Variants in ADGRL2 observed in about 807,000 individuals in gnomAD.
ADGRL2 encodes the protein adhesion G protein-coupled receptor L2.
ADGRL2 carries 44 observed loss-of-function variants against 157.4 expected under a neutral mutation model. The observed-to-expected ratio is 0.28, with a 90% CI of 0.22 to 0.36. The LOEUF is 0.36. ADGRL2 is among the 10% of genes least tolerant of loss of function. The pLI is 1.00. For missense variants in ADGRL2, 1,510 were observed against 1,768.9 expected (o/e 0.85, Z 2.63); for synonymous variants, 585 against 624.7 (o/e 0.94, Z 0.95).
In ADGRL2 at chr1:81,316,170, A is replaced by C. The variant is rs12062381; in HGVS notation, c.-302+9661A>C. On this transcript the variant is annotated intron_variant, in intron 1 of 24. Transcript: ENST00000370721. ...AAAAAGAAGAAAGGTAGACAAGGAG[A>C]CACCACCTTTTTAAAGTACATTGTT... 1.9e-3 allele frequency among the ~76,000 whole-genome samples: 285 copies of C among 151,856 alleles called. 1 individual carries two copies. The highest frequency in any genetic ancestry group is 6.8e-3 in the Middle Eastern group (2 of 294).
intron 14 of ADGRL2, 54 bp downstream of exon 14, chr1:81,968,253 C>G: frequency 6.8e-7 from 1 of 1,462,598 alleles, no homozygotes; most frequent in Middle Eastern, 1.7e-4. Context: ...AGATTCAAAA[C>G]AGCTTGTATA....
At chr1:81,865,490 T>C (rs1476142102) in intron 2 of ADGRL2, among the ~76,000 whole-genome samples, 2 of 152,218 alleles carry the variant, frequency 1.3e-5, no homozygotes, top group Non-Finnish European at 2.9e-5. Flanking sequence ...CTTACCACCA[T>C]AGATGAGGAG....
intron 1 of ADGRL2, among the ~76,000 whole-genome samples, chr1:81,717,662 G>A (rs1173721946): frequency 1.3e-5 from 2 of 152,160 alleles, no homozygotes; most frequent in Non-Finnish European, 2.9e-5. Flanking sequence ...TGTCACTGTT[G>A]CCTAAGTCTT....
chr1:81,748,741 C>T (rs971950386), intron 1 of ADGRL2, among the ~76,000 whole-genome samples: 6 of 152,024 alleles, frequency 3.9e-5, no homozygotes, highest in Non-Finnish European at 4.4e-5. Context: ...GATCTCGGCT[C>T]AGTGCAACCT....
chr1:81,721,703 C>G (rs1439893186), intron 1 of ADGRL2: 13 of 1,366,492 alleles, frequency 9.5e-6, no homozygotes, highest in South Asian at 5.8e-5. Context: ...ATGGACCCCC[C>G]GCAAAGTGAA....
chr1:81,606,041 C>T (rs974470202), intron 3 of ADGRL2, among the ~76,000 whole-genome samples: 9 of 152,264 alleles, frequency 5.9e-5, no homozygotes, highest in African/African-American at 2.2e-4. Context: ...AAGTACTACA[C>T]TGTACTGTCT....
intron 1 of ADGRL2, among the ~76,000 whole-genome samples, chr1:81,720,555 A>G (rs992527090): frequency 6.6e-6 from 1 of 152,138 alleles, no homozygotes; most frequent in East Asian, 1.9e-4. Flanking sequence ...TCTTCTGACC[A>G]TCAAACTAGT....
At chr1:81,601,468 G>T (rs958604665) in intron 3 of ADGRL2, among the ~76,000 whole-genome samples, 26 of 152,176 alleles carry the variant, frequency 1.7e-4, no homozygotes, top group African/African-American at 6.3e-4. Context: ...ATGCCACAGA[G>T]AGAATTAAAA....
intron 3 of ADGRL2, among the ~76,000 whole-genome samples, chr1:81,922,259 G>A (rs948140245): frequency 6.6e-6 from 1 of 152,088 alleles, no homozygotes; most frequent in Non-Finnish European, 1.5e-5. Context: ...TTCAGCTTCT[G>A]TCCCCTTTCT....
At chr1:81,822,431 A>G (rs1362708584) in intron 1 of ADGRL2, among the ~76,000 whole-genome samples, 1 of 151,548 alleles carries the variant, frequency 6.6e-6, no homozygotes, top group Non-Finnish European at 1.5e-5. Flanking sequence ...TTAAAATTCT[A>G]ATATTTTTAG....
At chr1:81,494,761 A>G (rs748124906) in intron 2 of ADGRL2, among the ~76,000 whole-genome samples, 1 of 152,084 alleles carries the variant, frequency 6.6e-6, no homozygotes, top group Non-Finnish European at 1.5e-5. Flanking sequence ...TTCATCTTGG[A>G]ATCTTTTGTT....
intron 2 of ADGRL2, among the ~76,000 whole-genome samples, chr1:81,895,455 G>A (rs146852789): frequency 0.012 from 1,684 of 137,042 alleles, 27 homozygotes; most frequent in South Asian, 0.064. Flanking sequence ...CTGGAGTGCA[G>A]TGGTGCAGTC....
intron 2 of ADGRL2, among the ~76,000 whole-genome samples, chr1:81,891,719 G>C (rs1461882035): frequency 1.3e-5 from 2 of 151,324 alleles, no homozygotes; most frequent in Admixed American, 6.6e-5. Context: ...ATCTTTTTTT[G>C]CTCCACTACA....
Position 81,655,084 on chromosome 1 carries a change from AG to A in ADGRL2, c.-143+74110del, listed in dbSNP as rs773119019. ...CCCTGCGATGGGGGTCCTAAGAGCCAGGGGGGCAAGAGGGGCTGGCTCTCTG... is the reference window on the plus strand; with the variant it reads ...CCCTGCGATGGGGGTCCTAAGAGCCAGGGGGCAAGAGGGGCTGGCTCTCTG... On this transcript the variant is annotated intron_variant, in intron 3 of 24. Transcript: ENST00000370721. Among the ~76,000 whole-genome samples, 14 of 152,142 alleles carry A rather than the reference AG, an allele frequency of 9.2e-5. No homozygotes were observed. In the East Asian group the frequency reaches 2.3e-3, roughly 25 times the overall value.
intron 3 of ADGRL2, among the ~76,000 whole-genome samples, chr1:81,638,308 A>G (rs1021199192): frequency 6.6e-6 from 1 of 152,202 alleles, no homozygotes; most frequent in Non-Finnish European, 1.5e-5. Context: ...AAAATGAGAA[A>G]GGTCAGAAAC....
intron 1 of ADGRL2, among the ~76,000 whole-genome samples, chr1:81,406,753 T>C (rs954295178): frequency 6.6e-6 from 1 of 152,112 alleles, no homozygotes; most frequent in African/African-American, 2.4e-5. Context: ...TCACAGACTT[T>C]GGGGAAAGCA....
chr1:81,873,485 A>G (rs1271726237), intron 2 of ADGRL2, among the ~76,000 whole-genome samples: 1 of 152,126 alleles, frequency 6.6e-6, no homozygotes, highest in African/African-American at 2.4e-5. Flanking sequence ...TTTTACTTGA[A>G]CATTATAAAT....
In ADGRL2 at chr1:81,966,386, C is replaced by A; in HGVS notation, c.2144-18C>A. ...AGCATGTTTTTTGTACATCATGTGACTATTTTTACCTTCCTAGGGCTTGCA... is the reference window on the plus strand; with the variant it reads ...AGCATGTTTTTTGTACATCATGTGAATATTTTTACCTTCCTAGGGCTTGCA... On this transcript the variant is annotated intron_variant, in intron 12 of 23. Transcript: ENST00000686636. The A allele has an allele frequency of 6.2e-7, 1 of 1,608,586 alleles. No individual in the cohort carries two copies. Among genetic ancestry groups the A allele is most frequent in the Non-Finnish European group, 8.5e-7 (1 of 1,175,262 alleles).
intron 1 of ADGRL2, among the ~76,000 whole-genome samples, chr1:81,337,573 A>G (rs893353501): frequency 2.0e-5 from 3 of 152,182 alleles, no homozygotes; most frequent in Non-Finnish European, 4.4e-5. Flanking sequence ...AGAAATCATC[A>G]TTTGCTTTAT....
Sources: gnomAD v4.1 joint callset for allele counts (sites outside exome capture counted in the v4.1 genomes callset) on GRCh38, gnomAD v4.1.1 for gene constraint, MANE v1.5 for transcripts, NCBI Gene and HGNC (gene_info 2026-07-23, HGNC 2026-07-21) for gene names.